NBPF12: variants seen among roughly 807,000 people sequenced by gnomAD.
NBPF12 encodes NBPF family member NBPF12.
A neutral mutation model predicts 146.4 loss-of-function variants in NBPF12; 115 were observed. That is an observed-to-expected ratio of 0.79 (90% CI 0.68 to 0.92). The LOEUF is 0.92. Ranked by LOEUF, NBPF12 falls within the 40% of genes least tolerant of loss-of-function variation. The pLI, the probability that NBPF12 is intolerant of heterozygous loss-of-function variation, is 0.00. For missense variants in NBPF12, 1,205 were observed against 1,326.8 expected (o/e 0.91, Z 1.43); for synonymous variants, 385 against 508.9 (o/e 0.76, Z 3.28).
chr1:146,972,587 T>C (rs1470859594), intron 13 of NBPF12, among the ~76,000 whole-genome samples, 164 bp from the exon 17 acceptor site: 16 of 151,508 alleles, frequency 1.1e-4, no homozygotes, highest in Non-Finnish European at 1.9e-4. Context: ...CTAAGACAAG[T>C]TGACTTAAAG....
At chr1:146,974,445 A>G (rs1553887057) in intron 14 of NBPF12, among the ~76,000 whole-genome samples, 3,388 of 131,492 alleles carry the variant, frequency 0.026, 165 homozygotes, top group Middle Eastern at 0.11. Context: ...GTGGCCCCGA[A>G]TTCAGAGTCA....
intron 19 of NBPF12, among the ~76,000 whole-genome samples, chr1:146,981,294 A>ATATATATATATATAT (rs1553887974): frequency 2.2e-5 from 2 of 90,246 alleles, no homozygotes; most frequent in African/African-American, 9.6e-5. Flanking sequence ...AAAAAAAAAA[A>ATATATATATATATAT]ATATATATAT....
At chr1:146,993,490 ATTC>A (rs1387966697) in intron 32 of NBPF12, 106 bp from the exon 36 acceptor site, 1 of 64,988 alleles carries the variant, frequency 1.5e-5, no homozygotes, top group Non-Finnish European at 2.3e-5. Context: ...ACAGTGTCCT[ATTC>A]TTATGCTGAG....
chr1:146,970,408 G>A (rs1179684445), intron 11 of NBPF12, among the ~76,000 whole-genome samples: 9 of 150,954 alleles, frequency 6.0e-5, no homozygotes, highest in Admixed American at 3.9e-4. Context: ...CCAGTGATAT[G>A]GGAAGCAAAA....
chr1:146,961,361 G>T (rs1307916346), intron 4 of NBPF12, among the ~76,000 whole-genome samples: 2 of 151,352 alleles, frequency 1.3e-5, no homozygotes, highest in Admixed American at 6.6e-5. Flanking sequence ...TGTCTTGTCT[G>T]TCCCTCAGTT....
chr1:146,939,504 A>G (rs1447417321), intron 1 of NBPF12, among the ~76,000 whole-genome samples: 1 of 151,922 alleles, frequency 6.6e-6, no homozygotes, highest in Non-Finnish European at 1.5e-5. Flanking sequence ...GAATCACCTC[A>G]TGACTAGCGG....
chr1:146,962,210 A>G, exon 5 of NBPF12: 2 of 1,608,554 alleles, frequency 1.2e-6, no homozygotes, highest in Non-Finnish European at 1.7e-6. Context: ...GGAATGAGCG[A>G]CAGTTCAAGG....
rs1245773211 is a variant in NBPF12 at position 146,970,781 on chromosome 1, T to C, written c.1379+62T>C. On this transcript the variant is annotated intron_variant, in intron 12 of 33. Transcript: ENST00000617844. ...AACATATGAAAATGTCTAGGAGGCA[T>C]GCCCTCTCTGGCATCTATGATGGGC... The C allele has an allele frequency of 3.8e-4, 473 of 1,241,818 alleles. 4 individuals carry two copies. The highest frequency in any genetic ancestry group is 3.2e-3 in the South Asian group (265 of 83,358). The allele number at this position is 1,241,818 out of a possible 1,614,324, so 76.9% of individuals were successfully genotyped here.
At chr1:146,966,124 C>A (rs1168787744) in intron 8 of NBPF12, among the ~76,000 whole-genome samples, 1 of 151,762 alleles carries the variant, frequency 6.6e-6, no homozygotes, top group South Asian at 2.1e-4. Flanking sequence ...AAACAAAAAA[C>A]CAAAAAAGAA....
At chr1:146,964,427 C>T in exon 7 of NBPF12, 5 of 1,601,202 alleles carry the variant, frequency 3.1e-6, no homozygotes, top group Non-Finnish European at 4.3e-6. Context: ...CATCTGCCCC[C>T]AGGTAACACT....
At position 146,971,158 on chromosome 1, in the gene NBPF12, A is replaced by G. The variant is rs1164888610; in HGVS notation, c.1380-25A>G. The G allele has an allele frequency of 3.1e-6, 5 of 1,610,618 alleles. No homozygotes were observed. The African/African-American group carries it at 6.8e-5, about 22-fold the overall frequency. On this transcript the variant is annotated intron_variant, in intron 12 of 33. Coordinates refer to ENST00000617844, the Ensembl canonical transcript of NBPF12. Reference sequence around the variant, plus strand: ...ATCCCTCTGTGTTTAATCTTCTGTCATCTCTGTCCCACCTGGCTCATCAGG... The same window carrying G: ...ATCCCTCTGTGTTTAATCTTCTGTCGTCTCTGTCCCACCTGGCTCATCAGG...
chr1:146,962,836 A>G (rs1354581554), intron 5 of NBPF12, among the ~76,000 whole-genome samples: 2 of 150,856 alleles, frequency 1.3e-5, no homozygotes, highest in Non-Finnish European at 1.5e-5. Context: ...CGGAATTAGG[A>G]AGACACCTAC....
At chr1:146,950,871 A>G (rs1655296042) in intron 1 of NBPF12, among the ~76,000 whole-genome samples, 2 of 152,132 alleles carry the variant, frequency 1.3e-5, no homozygotes, top group East Asian at 1.9e-4. Flanking sequence ...TGCTATGGAC[A>G]TTCTTGTATA....
exon 9 of NBPF12, chr1:146,966,628 G>C (rs1193259833): frequency 9.3e-6 from 14 of 1,510,286 alleles, no homozygotes; most frequent in African/African-American, 1.4e-5. Context: ...GAAATGTTTT[G>C]TAACTCAACT....
At position 146,971,411 on chromosome 1, in the gene NBPF12, T is replaced by C; in HGVS notation, c.1591+17T>C. 7 of 1,595,510 alleles carry C rather than the reference T, an allele frequency of 4.4e-6. No homozygotes were observed. The highest frequency in any genetic ancestry group is 6.0e-6 in the Non-Finnish European group (7 of 1,166,454). ...TTCTCCCAGGTAGCCTCTATTTTCC[T>C]TGTGTCTCATACCTCTGTCTAGGCT... On this transcript the variant is annotated intron_variant, in intron 13 of 33. Transcript: ENST00000617844.
At position 146,970,773 on chromosome 1, in the gene NBPF12, A is replaced by G. The variant is rs1553886286; in HGVS notation, c.1379+54A>G. On this transcript the variant is annotated intron_variant, in intron 12 of 33. Transcript: ENST00000617844. The stretch of plus-strand genomic sequence containing the variant: ...TGGGTGTTAACATATGAAAATGTCT[A>G]GGAGGCATGCCCTCTCTGGCATCTA... 2.2e-5 allele frequency: 28 copies of G among 1,263,062 alleles called. No homozygotes were observed. In the Middle Eastern group the frequency reaches 8.0e-4, roughly 36 times the overall value. The allele number at this position is 1,263,062 out of a possible 1,614,324, so 78.2% of individuals were successfully genotyped here. A position where few individuals can be genotyped will look rare whatever the true frequency, so the allele number is the denominator to read the frequency against.
chr1:146,984,599 G>A (rs1196856948), intron 21 of NBPF12, among the ~76,000 whole-genome samples: 2 of 145,338 alleles, frequency 1.4e-5, no homozygotes, highest in Admixed American at 1.4e-4. Flanking sequence ...GTGTGTGTGT[G>A]TGTGTGTGTG....
intron 1 of NBPF12, among the ~76,000 whole-genome samples, chr1:146,939,407 G>T (rs1199858756): frequency 1.3e-5 from 2 of 151,990 alleles, no homozygotes; most frequent in East Asian, 1.9e-4. Context: ...CCGGGATTCT[G>T]CTCCTGGCGG....
chr1:146,959,823 C>A, intron 2 of NBPF12, 36 bp from the exon 6 acceptor site: 1 of 111,116 alleles, frequency 9.0e-6, no homozygotes, highest in East Asian at 2.0e-4. Context: ...GATTCCATGA[C>A]ACCCCTACCT....
Sources: allele counts gnomAD v4.1 joint callset (sites outside exome capture counted in the v4.1 genomes callset), GRCh38; gene constraint gnomAD v4.1.1; transcripts MANE v1.5; gene names NCBI Gene and HGNC (gene_info 2026-07-23, HGNC 2026-07-21).